The following GALNTL6 variants were observed in gnomAD, a reference collection of about 807,000 sequenced individuals.
GALNTL6 encodes the protein polypeptide N-acetylgalactosaminyltransferase like 6, also known as polypeptide N-acetylgalactosaminyltransferase-like 6.
Under a neutral mutation model 73.7 loss-of-function variants are expected in GALNTL6, and 46 were observed. That is an observed-to-expected ratio of 0.62 (90% CI 0.49 to 0.80). The LOEUF (loss-of-function observed/expected upper bound fraction) is 0.80. GALNTL6 is among the 30% of genes least tolerant of loss of function. GALNTL6 has a pLI of 0.00. For synonymous variants in GALNTL6, 259 were observed against 263.7 expected, an observed-to-expected ratio of 0.98 and a Z score of 0.17; for missense variants, 604 against 755.0, an observed-to-expected ratio of 0.80 and a Z score of 2.34.
At chr4:172,572,567 TA>T (rs1736801671) in intron 5 of GALNTL6, among the ~76,000 whole-genome samples, 1 of 152,172 alleles carries the variant, frequency 6.6e-6, no homozygotes, top group South Asian at 2.1e-4. Flanking sequence ...ATAATTCTGA[TA>T]AAACCTTTCA....
chr4:172,459,257 A>T (rs1732521679), intron 5 of GALNTL6, among the ~76,000 whole-genome samples: 1 of 152,218 alleles, frequency 6.6e-6, no homozygotes, highest in Non-Finnish European at 1.5e-5. Flanking sequence ...AGCCAATATC[A>T]TACTGAACGG....
chr4:172,023,921 A>G (rs17057896), intron 2 of GALNTL6, among the ~76,000 whole-genome samples: 18,509 of 151,774 alleles, frequency 0.12, 2,844 homozygotes, highest in African/African-American at 0.36. Context: ...CCCTATAATG[A>G]TGGTTATAAT....
At chr4:171,822,834 T>A (rs1449648095) in intron 2 of GALNTL6, among the ~76,000 whole-genome samples, 1 of 152,204 alleles carries the variant, frequency 6.6e-6, no homozygotes, top group Non-Finnish European at 1.5e-5. Flanking sequence ...TACATGGCTT[T>A]ACAATAAATA....
At chr4:173,018,284 A>T (rs1033955866) in intron 11 of GALNTL6, among the ~76,000 whole-genome samples, 2 of 152,236 alleles carry the variant, frequency 1.3e-5, no homozygotes, top group Non-Finnish European at 2.9e-5. Context: ...AAAGTTGAAA[A>T]TTCAAAATAT....
Position 172,809,258 on chromosome 4 carries a change from A to G in GALNTL6, c.554-103A>G, listed in dbSNP as rs1456842926. ...GATGAGGAGACAAGAATGTTACCCC[A>G]GGATTCATCAGTCACATACTCTCTA... On this transcript the variant is annotated intron_variant, in intron 5 of 12. Coordinates refer to ENST00000506823, the MANE Select transcript of GALNTL6 (RefSeq NM_001034845.3). This position sits in a 1 kb window ranked among gnomAD's most constrained non-coding sequence, Gnocchi z 4.4. 1 of 853,302 alleles carries G rather than the reference A, an allele frequency of 1.2e-6. No homozygotes were observed. The highest frequency in any genetic ancestry group is 1.7e-5 in the African/African-American group (1 of 58,932). 52.9% of individuals were successfully genotyped at this position (853,302 alleles called of 1,614,324 possible).
At chr4:172,500,802 G>T (rs953528954) in intron 5 of GALNTL6, among the ~76,000 whole-genome samples, 2 of 152,132 alleles carry the variant, frequency 1.3e-5, no homozygotes, top group East Asian at 3.9e-4. Flanking sequence ...ATCCTTATGA[G>T]TGTCTTAAAT....
intron 7 of GALNTL6, among the ~76,000 whole-genome samples, chr4:172,831,883 C>T (rs1742658334): frequency 6.6e-6 from 1 of 152,182 alleles, no homozygotes; most frequent in Non-Finnish European, 1.5e-5. Flanking sequence ...TCTGCAACCC[C>T]AAATGAGGGC....
intron 5 of GALNTL6, among the ~76,000 whole-genome samples, chr4:172,387,411 G>C (rs955558785): frequency 2.0e-5 from 3 of 151,944 alleles, no homozygotes. Context: ...TTGAAAAATT[G>C]ATTTTCTGAA....
intron 9 of GALNTL6, among the ~76,000 whole-genome samples, chr4:172,945,434 T>C (rs1428423584): frequency 1.3e-5 from 2 of 152,230 alleles, no homozygotes; most frequent in East Asian, 3.9e-4. Flanking sequence ...AGCAGTTTCT[T>C]GTATATCAAC....
At chr4:172,387,236 A>G (rs1743505858) in intron 5 of GALNTL6, among the ~76,000 whole-genome samples, 1 of 152,184 alleles carries the variant, frequency 6.6e-6, no homozygotes, top group Non-Finnish European at 1.5e-5. Flanking sequence ...GTAATCTTTA[A>G]TAATAGTCCC....
At chr4:172,980,657 C>T (rs1435229181) in intron 10 of GALNTL6, among the ~76,000 whole-genome samples, 2 of 152,278 alleles carry the variant, frequency 1.3e-5, no homozygotes, top group South Asian at 2.1e-4. Flanking sequence ...GAAAAGACCC[C>T]TCTTCCTTCC....
At chr4:172,196,023 T>TAAAAA (rs35159373) in intron 2 of GALNTL6, among the ~76,000 whole-genome samples, 5 of 137,796 alleles carry the variant, frequency 3.6e-5, no homozygotes, top group Admixed American at 1.4e-4. Context: ...TTTTTTTTTT[T>TAAAAA]AAATTAATAA....
intron 5 of GALNTL6, among the ~76,000 whole-genome samples, chr4:172,387,285 T>C (rs1743507943): frequency 1.3e-5 from 2 of 152,184 alleles, no homozygotes; most frequent in African/African-American, 2.4e-5. Flanking sequence ...TTATCTATTG[T>C]CTTTTCATTT....
chr4:172,833,895 A>G (rs956968555), intron 7 of GALNTL6, among the ~76,000 whole-genome samples: 1 of 152,162 alleles, frequency 6.6e-6, no homozygotes, highest in Non-Finnish European at 1.5e-5. Context: ...TGGGTGGATC[A>G]ACTGAGGTCA....
intron 5 of GALNTL6, among the ~76,000 whole-genome samples, chr4:172,395,696 G>A (rs767258582): frequency 4.6e-5 from 7 of 152,062 alleles, no homozygotes; most frequent in Non-Finnish European, 8.8e-5. Context: ...CTGAACTCCA[G>A]TTTCCCAAGA....
chr4:171,929,310 G>A (rs1738096397), intron 2 of GALNTL6, among the ~76,000 whole-genome samples: 1 of 152,118 alleles, frequency 6.6e-6, no homozygotes, highest in Non-Finnish European at 1.5e-5. Context: ...GGCCTCAGGT[G>A]ATCTTAGTGC....
intron 2 of GALNTL6, among the ~76,000 whole-genome samples, chr4:172,019,525 T>C (rs1048572819): frequency 6.6e-6 from 1 of 152,102 alleles, no homozygotes; most frequent in African/African-American, 2.4e-5. Flanking sequence ...ACAATACTTA[T>C]ATGAGACAAA....
intron 5 of GALNTL6, among the ~76,000 whole-genome samples, chr4:172,561,035 T>C (rs567974968): frequency 8.4e-4 from 127 of 151,386 alleles, no homozygotes; most frequent in African/African-American, 2.9e-3. Context: ...GGGTGGATCA[T>C]GAGGTCAGGA....
intron 2 of GALNTL6, among the ~76,000 whole-genome samples, chr4:171,958,197 T>C (rs967932474): frequency 4.6e-5 from 7 of 152,214 alleles, no homozygotes; most frequent in Admixed American, 6.5e-5. Flanking sequence ...AAATCTCTGA[T>C]ACACCCAAGT....
Sources: gnomAD v4.1 joint callset for allele counts (sites outside exome capture counted in the v4.1 genomes callset) on GRCh38, gnomAD v4.1.1 for gene constraint, Gnocchi (gnomAD v3.1) non-coding constraint, MANE v1.5 for transcripts, NCBI Gene and HGNC (gene_info 2026-07-23, HGNC 2026-07-21) for gene names.